STAMBPL1: variants seen among roughly 807,000 people sequenced by gnomAD.
The protein encoded by STAMBPL1 is AMSH-like protease.
In STAMBPL1, 44 loss-of-function variants were observed where a neutral mutation model predicts 52.9. That is an observed-to-expected ratio of 0.83 (90% CI 0.65 to 1.07). The LOEUF (loss-of-function observed/expected upper bound fraction) is 1.07, where lower values mean the gene tolerates loss of function less well. Among genes scored for constraint, STAMBPL1 ranks in the 50% least tolerant of loss-of-function variants. The pLI, the probability that STAMBPL1 is intolerant of heterozygous loss-of-function variation, is 0.00. For synonymous variants in STAMBPL1, 164 were observed against 177.3 expected (o/e 0.92, Z 0.60); for missense variants, 511 against 520.8 (o/e 0.98, Z 0.18).
At chr10:88,902,804 C>T (rs1844978930) in intron 2 of STAMBPL1, among the ~76,000 whole-genome samples, 1 of 152,144 alleles carries the variant, frequency 6.6e-6, no homozygotes, top group African/African-American at 2.4e-5. Context: ...CTCCTGACCT[C>T]GTGATCAGCC....
rs767850094 is a variant in STAMBPL1 at position 88,908,757 on chromosome 10, G to GAAAAGCAGGATATTATGAAGGTAT, written c.305_324+4dup. 5.6e-6 allele frequency: 9 copies of GAAAAGCAGGATATTATGAAGGTAT among 1,607,408 alleles called. No homozygotes were observed. Among genetic ancestry groups the GAAAAGCAGGATATTATGAAGGTAT allele is most frequent in the Non-Finnish European group, 7.6e-6 (9 of 1,177,686 alleles). On this transcript the variant is annotated stop_gained and inframe_insertion, in exon 4 of 11. Transcript: ENST00000371926. LOFTEE classifies it high-confidence loss of function. The stretch of plus-strand genomic sequence containing the variant: ...AGATTACCAGCAATGTGCAGTACCT[G>GAAAAGCAGGATATTATGAAGGTAT]AAAAGCAGGATATTATGAAGGTATT...
intron 1 of STAMBPL1, among the ~76,000 whole-genome samples, chr10:88,890,931 C>T (rs1284769046): frequency 2.0e-5 from 3 of 152,184 alleles, no homozygotes; most frequent in Non-Finnish European, 4.4e-5. Context: ...TAACTTTATC[C>T]ATCGCTTCCA....
chr10:88,880,718 C>T (rs1844380398), intron 1 of STAMBPL1, 80 bp downstream of exon 1: 1 of 152,202 alleles, frequency 6.6e-6, no homozygotes, highest in Non-Finnish European at 1.5e-5. Context: ...TGCCTCGTGG[C>T]CTGGCGCGCG....
At chr10:88,915,269 C>T (rs77094826) in intron 7 of STAMBPL1, among the ~76,000 whole-genome samples, 16 of 152,144 alleles carry the variant, frequency 1.1e-4, no homozygotes, top group Non-Finnish European at 2.2e-4. Context: ...TTTCTTTGGA[C>T]GTGTCCTTTC....
chr10:88,919,722 T>C (rs752540970), intron 8 of STAMBPL1, among the ~76,000 whole-genome samples: 11 of 152,208 alleles, frequency 7.2e-5, no homozygotes, highest in Non-Finnish European at 1.6e-4. Flanking sequence ...CATTCCTTTG[T>C]TGATCTAAGT....
intron 10 of STAMBPL1, 117 bp downstream of exon 10, chr10:88,922,553 G>T: frequency 1.2e-6 from 1 of 846,962 alleles, no homozygotes; most frequent in South Asian, 2.0e-5. Context: ...TGCTTAGTTT[G>T]GAGTTTTATC....
intron 3 of STAMBPL1, among the ~76,000 whole-genome samples, chr10:88,907,922 A>G (rs1321095872): frequency 6.6e-6 from 1 of 152,216 alleles, no homozygotes; most frequent in Non-Finnish European, 1.5e-5. Context: ...ATATTGTTTG[A>G]TCAGAAATAG....
At chr10:88,914,482 G>A in intron 6 of STAMBPL1, 52 bp from the exon 7 acceptor site, 2 of 1,358,848 alleles carry the variant, frequency 1.5e-6, no homozygotes, top group Non-Finnish European at 1.9e-6. Flanking sequence ...AATTTTGAAA[G>A]ATGGGACATA....
intron 8 of STAMBPL1, among the ~76,000 whole-genome samples, chr10:88,919,756 T>C (rs909856143): frequency 7.2e-5 from 11 of 152,170 alleles, no homozygotes; most frequent in South Asian, 6.2e-4. Context: ...GTGTTATTTT[T>C]TCCTTGCAGA....
intron 6 of STAMBPL1, 120 bp downstream of exon 6, chr10:88,913,578 T>C: frequency 1.2e-6 from 1 of 816,294 alleles, no homozygotes; most frequent in Non-Finnish European, 1.9e-6. Flanking sequence ...CCCTGCATAA[T>C]ATGGTATGAA....
intron 7 of STAMBPL1, among the ~76,000 whole-genome samples, chr10:88,915,143 G>A (rs1589376842): frequency 6.6e-6 from 1 of 152,216 alleles, no homozygotes; most frequent in South Asian, 2.1e-4. Context: ...TATAAGCACA[G>A]GACATACTTA....
At chr10:88,887,193 G>C (rs1476310921) in intron 1 of STAMBPL1, among the ~76,000 whole-genome samples, 2 of 151,890 alleles carry the variant, frequency 1.3e-5, no homozygotes, top group African/African-American at 2.4e-5. Flanking sequence ...TGTTAACCTG[G>C]GCAAAGAAAC....
intron 1 of STAMBPL1, among the ~76,000 whole-genome samples, chr10:88,884,978 G>T (rs12269097): frequency 0.082 from 12,526 of 152,192 alleles, 1,150 homozygotes; most frequent in African/African-American, 0.22. Flanking sequence ...ATGCAAAGTG[G>T]TTAGAACAAT....
intron 1 of STAMBPL1, among the ~76,000 whole-genome samples, chr10:88,896,230 T>G (rs952539812): frequency 7.2e-5 from 11 of 152,236 alleles, no homozygotes; most frequent in Non-Finnish European, 1.2e-4. Flanking sequence ...AGAAGATAAG[T>G]GTAAAAACAA....
chr10:88,921,885 C>T (rs556339695), intron 9 of STAMBPL1, among the ~76,000 whole-genome samples: 230 of 152,126 alleles, frequency 1.5e-3, no homozygotes, highest in Non-Finnish European at 2.7e-3. Context: ...GATACCTGCC[C>T]ATCGGGGATG....
At chr10:88,907,374 G>T (rs1243640750) in intron 3 of STAMBPL1, among the ~76,000 whole-genome samples, 1 of 152,122 alleles carries the variant, frequency 6.6e-6, no homozygotes, top group African/African-American at 2.4e-5. Flanking sequence ...AAAATCACTT[G>T]TTTTTAGAAA....
At position 88,910,996 on chromosome 10, in the gene STAMBPL1, A is replaced by G; in HGVS notation, c.405A>G (p.Glu135=). ...AGAAATATAACGTAGAATACCAAGA[A>G]TATTTGCAAAGCAAAGTAAGTTCAG... ...LLKKYNVEYQ[E]YLQSKNKYKA... The change falls in exon 5 of 11, where the codon GAA becomes GAG. Residue 135 remains glutamate, a synonymous_variant. Transcript: ENST00000371926. The G allele has an allele frequency of 6.3e-7, 1 of 1,589,154 alleles. No individual in the cohort carries two copies. The highest frequency in any genetic ancestry group is 1.2e-5 in the South Asian group (1 of 84,318).
At chr10:88,882,811 A>G (rs905023852) in intron 1 of STAMBPL1, 17 of 152,206 alleles carry the variant, frequency 1.1e-4, no homozygotes, top group Non-Finnish European at 2.2e-4. Flanking sequence ...GCTGATGCAT[A>G]GCAGCTCTTT....
chr10:88,909,597 T>C (rs1162638043), intron 4 of STAMBPL1, among the ~76,000 whole-genome samples: 1 of 150,280 alleles, frequency 6.7e-6, no homozygotes, highest in Non-Finnish European at 1.5e-5. Context: ...GTCATCTACA[T>C]TATTTATTTA....
Sources: allele counts gnomAD v4.1 joint callset (sites outside exome capture counted in the v4.1 genomes callset), GRCh38; gene constraint gnomAD v4.1.1; transcripts MANE v1.5; gene names NCBI Gene and HGNC (gene_info 2026-07-23, HGNC 2026-07-21).